Variants in DOCK8 observed in about 807,000 individuals in gnomAD.
DOCK8 encodes dedicator of cytokinesis 8.
DOCK8 carries 141 observed loss-of-function variants against 245.6 expected under a neutral mutation model. The ratio of observed to expected loss-of-function variants is 0.57; its 90% CI spans 0.50 to 0.66. The LOEUF is 0.66. DOCK8 is among the 30% of genes least tolerant of loss of function. DOCK8 has a pLI of 0.00. For synonymous variants in DOCK8, 1,168 were observed against 970.2 expected, an observed-to-expected ratio of 1.20 and a Z score of -3.79; for missense variants, 2,965 against 2,603.4, an observed-to-expected ratio of 1.14 and a Z score of -3.02.
intron 19 of DOCK8, 130 bp downstream of exon 19, chr9:376,435 G>A: frequency 1.3e-6 from 1 of 767,248 alleles, no homozygotes. Flanking sequence ...GTTCTTTGTG[G>A]GGACATGCAA....
At chr9:263,696 C>T (rs928052368) in intron 1 of DOCK8, among the ~76,000 whole-genome samples, 1 of 152,030 alleles carries the variant, frequency 6.6e-6, no homozygotes, top group Admixed American at 6.5e-5. Context: ...TCCTTCATTA[C>T]TTATGAAGAA....
intron 34 of DOCK8, among the ~76,000 whole-genome samples, chr9:427,311 G>T (rs1437816149): frequency 2.0e-5 from 3 of 152,120 alleles, no homozygotes; most frequent in African/African-American, 7.2e-5. Flanking sequence ...AACAGTAGTG[G>T]TAAGTAGAAT....
chr9:419,719 A>G (rs975711279), intron 30 of DOCK8, among the ~76,000 whole-genome samples: 3 of 152,156 alleles, frequency 2.0e-5, no homozygotes, highest in African/African-American at 7.2e-5. Context: ...GTTTGTGTTG[A>G]TGAGATGAGT....
intron 14 of DOCK8, chr9:340,757 T>C (rs1488365269): frequency 5.4e-6 from 1 of 185,652 alleles, no homozygotes; most frequent in Non-Finnish European, 1.1e-5. Flanking sequence ...AAATGTGATA[T>C]TTATGTAACC....
intron 11 of DOCK8, 80 bp from the exon 12 acceptor site, chr9:336,502 C>T (rs189075191): frequency 9.3e-5 from 147 of 1,580,810 alleles, no homozygotes; most frequent in Admixed American, 2.7e-4. Flanking sequence ...TGACTTTAAT[C>T]ATACATATTG....
intron 23 of DOCK8, among the ~76,000 whole-genome samples, chr9:389,649 C>T (rs1006638351): frequency 1.3e-5 from 2 of 152,108 alleles, no homozygotes; most frequent in South Asian, 2.1e-4. Flanking sequence ...AATGCAAATT[C>T]CCAGGCTATT....
At chr9:333,559 C>T (rs1359650548) in intron 10 of DOCK8, among the ~76,000 whole-genome samples, 1 of 151,502 alleles carries the variant, frequency 6.6e-6, no homozygotes, top group Non-Finnish European at 1.5e-5. Context: ...CGAGATCGTG[C>T]CACTGCACTC....
chr9:277,032 C>G (rs1170831846), intron 2 of DOCK8: 1 of 289,924 alleles, frequency 3.4e-6, no homozygotes. Context: ...TGGTCTTGAA[C>G]TCCTGAGCTT....
chr9:370,326 A>G, intron 16 of DOCK8, 26 bp downstream of exon 16: 1 of 1,598,512 alleles, frequency 6.3e-7, no homozygotes. Flanking sequence ...CATTCTAAAT[A>G]TATGCCAAGA....
intron 29 of DOCK8, among the ~76,000 whole-genome samples, chr9:415,854 C>G (rs1373905853): frequency 2.0e-5 from 3 of 152,270 alleles, no homozygotes; most frequent in Admixed American, 2.0e-4. Context: ...GTCAGTCATC[C>G]TTGAAATCTT....
chr9:248,551 C>CTCTCTCTCTTTCTTTCTT (rs1176451599), intron 1 of DOCK8, among the ~76,000 whole-genome samples: 9 of 64,268 alleles, frequency 1.4e-4, no homozygotes, highest in African/African-American at 4.4e-4. Flanking sequence ...CTTTCTTTCT[C>CTCTCTCTCTTTCTTTCTT]TCTCTCTCTC....
intron 33 of DOCK8, among the ~76,000 whole-genome samples, chr9:424,360 C>G (rs2056401031): frequency 6.6e-6 from 1 of 152,000 alleles, no homozygotes; most frequent in Non-Finnish European, 1.5e-5. Context: ...TCTATTGCCA[C>G]CAAATCCATT....
intron 26 of DOCK8, among the ~76,000 whole-genome samples, chr9:403,954 A>C (rs1433876543): frequency 1.5e-4 from 12 of 77,546 alleles, no homozygotes; most frequent in African/African-American, 7.9e-4. Context: ...GTGTATATAT[A>C]TATATGTATA....
intron 4 of DOCK8, among the ~76,000 whole-genome samples, chr9:296,276 C>T (rs542878016): frequency 6.6e-5 from 10 of 152,278 alleles, no homozygotes; most frequent in South Asian, 2.1e-4. Flanking sequence ...GTGATATTAA[C>T]GATTTTAAGC....
intron 1 of DOCK8, among the ~76,000 whole-genome samples, chr9:238,734 C>G (rs1056194216): frequency 6.6e-6 from 1 of 152,118 alleles, no homozygotes; most frequent in Non-Finnish European, 1.5e-5. Flanking sequence ...CACCAAACTT[C>G]TAAATAAAGA....
chr9:451,871 G>A, intron 45 of DOCK8, 140 bp from the exon 46 acceptor site: 3 of 222,974 alleles, frequency 1.3e-5, no homozygotes, highest in South Asian at 1.5e-4. Flanking sequence ...ATATGTGTGT[G>A]TATATATATA....
chr9:276,761 C>T (rs1004332535), intron 2 of DOCK8, among the ~76,000 whole-genome samples: 2 of 152,204 alleles, frequency 1.3e-5, no homozygotes, highest in African/African-American at 4.8e-5. Context: ...AGTCTATAAT[C>T]AGTACCTCTG....
At chr9:275,064 T>C (rs1229387457) in intron 2 of DOCK8, among the ~76,000 whole-genome samples, 1 of 152,244 alleles carries the variant, frequency 6.6e-6, no homozygotes, top group African/African-American at 2.4e-5. Context: ...AGTTGTCATT[T>C]ATTAGTCATG....
rs1225019049 is a variant in DOCK8 at position 271,585 on chromosome 9, TA to T, written c.54-38del. The T allele has an allele frequency of 1.1e-5, 15 of 1,408,264 alleles. No individual in the cohort carries two copies. In the Admixed American group the frequency reaches 3.0e-4, roughly 28 times the overall value. 87.2% of individuals were successfully genotyped at this position (1,408,264 alleles called of 1,614,324 possible). Reference sequence around the variant, plus strand: ...TGCATCTAAAATTGTGATGATTTCCTAAAATAATCATTTCATTTAGATTTTT... The same window carrying T: ...TGCATCTAAAATTGTGATGATTTCCTAAATAATCATTTCATTTAGATTTTT... On this transcript the variant is annotated intron_variant, in intron 1 of 47. Coordinates refer to ENST00000432829, the MANE Select transcript of DOCK8 (RefSeq NM_203447.4).
Sources: allele counts gnomAD v4.1 joint callset (sites outside exome capture counted in the v4.1 genomes callset), GRCh38; gene constraint gnomAD v4.1.1; transcripts MANE v1.5; gene names NCBI Gene and HGNC (gene_info 2026-07-23, HGNC 2026-07-21).